Variants in SGMS1 observed in about 807,000 individuals in gnomAD.
The protein encoded by SGMS1 is sphingomyelin synthase 1, also known as phosphatidylcholine:ceramide cholinephosphotransferase 1.
Under a neutral mutation model 46.2 loss-of-function variants are expected in SGMS1, and 13 were observed. The ratio of observed to expected loss-of-function variants is 0.28; its 90% CI spans 0.18 to 0.45. The LOEUF is 0.45. SGMS1 is among the 20% of genes least tolerant of loss of function. The pLI, the probability that SGMS1 is intolerant of heterozygous loss-of-function variation, is 1.00. For synonymous variants in SGMS1, 203 were observed against 187.8 expected (o/e 1.08, Z -0.66); for missense variants, 324 against 519.9 (o/e 0.62, Z 3.66).
At chr10:50,532,671 T>C (rs1186892589) in intron 2 of SGMS1, among the ~76,000 whole-genome samples, 1 of 152,224 alleles carries the variant, frequency 6.6e-6, no homozygotes, top group East Asian at 1.9e-4. Flanking sequence ...TTATTTTTCT[T>C]AAAGCCCTAA....
chr10:50,616,447 T>C (rs1838798494), intron 1 of SGMS1, among the ~76,000 whole-genome samples: 2 of 152,170 alleles, frequency 1.3e-5, no homozygotes, highest in Admixed American at 1.3e-4. Flanking sequence ...GTTTATGCTA[T>C]TTAAAACCAG....
At chr10:50,505,464 A>G (rs1276041076) in intron 3 of SGMS1, among the ~76,000 whole-genome samples, 1 of 152,190 alleles carries the variant, frequency 6.6e-6, no homozygotes, top group Non-Finnish European at 1.5e-5. Flanking sequence ...TTCCTGCCTT[A>G]AAAAAGACCT....
chr10:50,429,242 G>A (rs980131180), intron 6 of SGMS1, among the ~76,000 whole-genome samples: 1 of 152,172 alleles, frequency 6.6e-6, no homozygotes, highest in African/African-American at 2.4e-5. Context: ...ACAAAAGGCA[G>A]TGGTTCCGTA....
At chr10:50,483,412 A>G (rs993000847) in intron 3 of SGMS1, among the ~76,000 whole-genome samples, 1 of 152,152 alleles carries the variant, frequency 6.6e-6, no homozygotes, top group African/African-American at 2.4e-5. Context: ...AAGACCTATA[A>G]AGAGACTTAG....
intron 3 of SGMS1, among the ~76,000 whole-genome samples, chr10:50,494,934 G>A (rs890298412): frequency 1.3e-5 from 2 of 151,380 alleles, no homozygotes; most frequent in Admixed American, 6.6e-5. Context: ...TACTTGGGAG[G>A]CTGAGGCAGG....
At chr10:50,328,074 A>T in intron 7 of SGMS1, 1 of 390,566 alleles carries the variant, frequency 2.6e-6, no homozygotes, top group Non-Finnish European at 4.9e-6. Context: ...TTTTATTATT[A>T]TTAGGTTCTA....
At position 50,448,740 on chromosome 10, in the gene SGMS1, G is replaced by A. The variant is rs1239636578; in HGVS notation, c.-313+11933C>T. 3.8e-4 allele frequency among the ~76,000 whole-genome samples: 11 copies of A among 28,910 alleles called. No homozygotes were observed. The East Asian group carries it at 0.027, about 70-fold the overall frequency. 19.0% of individuals were successfully genotyped at this position (28,910 alleles called of 152,430 possible). On this transcript the variant is annotated intron_variant, in intron 5 of 10. Transcript: ENST00000361781. ...GCCTGAGCAACAAGAGTGAAACTCCGCCAAAAAAAAAAAAAAAAAAAGAAT... is the reference window on the plus strand; with the variant it reads ...GCCTGAGCAACAAGAGTGAAACTCCACCAAAAAAAAAAAAAAAAAAAGAAT...
chr10:50,620,285 TAGAG>T (rs1015235278), intron 1 of SGMS1, among the ~76,000 whole-genome samples: 5 of 152,210 alleles, frequency 3.3e-5, no homozygotes, highest in African/African-American at 1.2e-4. Flanking sequence ...GGGATGCTCT[TAGAG>T]AGGAGAAATA....
chr10:50,355,698 G>A (rs986482273), intron 6 of SGMS1, among the ~76,000 whole-genome samples: 3 of 152,210 alleles, frequency 2.0e-5, no homozygotes, highest in Admixed American at 1.3e-4. Context: ...CTGCCACCCC[G>A]TCTAGGAAGT....
At chr10:50,424,142 A>G in intron 6 of SGMS1, among the ~76,000 whole-genome samples, 1 of 152,232 alleles carries the variant, frequency 6.6e-6, no homozygotes, top group East Asian at 1.9e-4. Context: ...TACAAAGAGC[A>G]GCTAGATAGG....
chr10:50,408,450 A>AT lies in SGMS1; in HGVS notation c.-232+25025_-232+25026insA, dbSNP rs1564904999. Among the ~76,000 whole-genome samples the AT allele has an allele frequency of 3.4e-4, 50 of 148,842 alleles. No individual in the cohort carries two copies. The South Asian group carries it at 9.8e-3, about 29-fold the overall frequency. The stretch of plus-strand genomic sequence containing the variant: ...ATCTCTTAAAAAAAAAAAAAAAAAA[A>AT]AAAAACAAAATAAAAACTTTTTTTA... On this transcript the variant is annotated intron_variant, in intron 6 of 10. Transcript: ENST00000361781.
chr10:50,346,785 C>T (rs1847919180), intron 6 of SGMS1, among the ~76,000 whole-genome samples: 8 of 152,076 alleles, frequency 5.3e-5, no homozygotes, highest in Admixed American at 5.2e-4. Flanking sequence ...ACTGCAATCT[C>T]TATCTCCTGG....
chr10:50,560,818 G>C (rs547738223), intron 2 of SGMS1, among the ~76,000 whole-genome samples: 23 of 152,008 alleles, frequency 1.5e-4, no homozygotes, highest in African/African-American at 5.5e-4. Flanking sequence ...CAATTGCCAG[G>C]TGTTAATGCC....
chr10:50,381,590 T>C (rs1004482422), intron 6 of SGMS1, among the ~76,000 whole-genome samples: 63 of 152,318 alleles, frequency 4.1e-4, no homozygotes, highest in Middle Eastern at 3.4e-3. Context: ...CAACTTCAGT[T>C]TGAGATGATG....
Position 50,344,365 on chromosome 10 carries a change from T to C in SGMS1, c.-231-20A>G. 1 of 447,126 alleles carries C rather than the reference T, an allele frequency of 2.2e-6. No individual in the cohort carries two copies. Among genetic ancestry groups the C allele is most frequent in the East Asian group, 3.4e-5 (1 of 29,166 alleles). 27.7% of individuals were successfully genotyped at this position (447,126 alleles called of 1,614,324 possible). ...TTCCTTCTGTGAAAGCAAGAGAAAATATCAAGATGCTGTACTTCCAAATTA... is the reference window on the plus strand; with the variant it reads ...TTCCTTCTGTGAAAGCAAGAGAAAACATCAAGATGCTGTACTTCCAAATTA... On this transcript the variant is annotated intron_variant, in intron 6 of 10. Transcript: ENST00000361781.
chr10:50,441,496 G>A lies in SGMS1; in HGVS notation c.-312-7940C>T, dbSNP rs560606662. ...CCTAACTGGGTGGCAAGATATTTGA[G>A]AAAAAGGTAAATATTTCTTTTACAA... is the stretch of plus-strand genomic sequence containing the variant. On this transcript the variant is annotated intron_variant, in intron 5 of 10. Coordinates refer to ENST00000361781, the MANE Select transcript of SGMS1 (RefSeq NM_147156.4). Among the ~76,000 whole-genome samples the A allele has an allele frequency of 4.1e-3, 617 of 152,154 alleles. 1 individual carries two copies. The highest frequency in any genetic ancestry group is 4.8e-3 in the Non-Finnish European group (323 of 67,990).
chr10:50,515,905 C>A (rs759662166), intron 3 of SGMS1, among the ~76,000 whole-genome samples: 1 of 152,194 alleles, frequency 6.6e-6, no homozygotes, highest in Non-Finnish European at 1.5e-5. Flanking sequence ...CAATACCAGG[C>A]AATTCCTCAA....
intron 2 of SGMS1, among the ~76,000 whole-genome samples, chr10:50,567,094 C>T (rs185284479): frequency 6.6e-6 from 1 of 152,152 alleles, no homozygotes; most frequent in East Asian, 1.9e-4. Flanking sequence ...TTACAGGCAC[C>T]CGCCACTACG....
intron 6 of SGMS1, among the ~76,000 whole-genome samples, chr10:50,384,093 CT>C (rs1290563907): frequency 3.9e-5 from 6 of 152,286 alleles, no homozygotes; most frequent in Admixed American, 2.0e-4. Flanking sequence ...GGATCATGGA[CT>C]TTCTAGCCTC....
Sources: allele counts gnomAD v4.1 joint callset (sites outside exome capture counted in the v4.1 genomes callset), GRCh38; gene constraint gnomAD v4.1.1; transcripts MANE v1.5; gene names NCBI Gene and HGNC (gene_info 2026-07-23, HGNC 2026-07-21).